The following COL25A1 variants were observed in gnomAD, a reference collection of about 807,000 sequenced individuals.
COL25A1 encodes collagen type XXV alpha 1 chain, also known as collagen alpha-1(XXV) chain.
COL25A1 carries 103 observed loss-of-function variants against 128.4 expected under a neutral mutation model. That is an observed-to-expected ratio of 0.80 (90% CI 0.68 to 0.94). The LOEUF (loss-of-function observed/expected upper bound fraction) is 0.94. Among genes scored for constraint, COL25A1 ranks in the 40% least tolerant of loss-of-function variants. The pLI, the probability that COL25A1 is intolerant of heterozygous loss-of-function variation, is 0.00. For synonymous variants in COL25A1, 279 were observed against 277.2 expected, an observed-to-expected ratio of 1.01 and a Z score of -0.06; for missense variants, 745 against 840.0, an observed-to-expected ratio of 0.89 and a Z score of 1.40.
intron 3 of COL25A1, among the ~76,000 whole-genome samples, chr4:109,207,727 A>G (rs535505167): frequency 6.6e-6 from 1 of 152,352 alleles, no homozygotes; most frequent in South Asian, 2.1e-4. Context: ...ACTACTAACC[A>G]TACCTGTAAT....
chr4:109,074,116 A>T (rs542860192), intron 3 of COL25A1, among the ~76,000 whole-genome samples: 1 of 152,202 alleles, frequency 6.6e-6, no homozygotes, highest in African/African-American at 2.4e-5. Flanking sequence ...TGCAACCTAG[A>T]TCCCTCACAT....
rs1362592242 is a variant in COL25A1, at chr4:109,119,418, G to C, written c.368-69239C>G. On this transcript the variant is annotated intron_variant, in intron 3 of 37. Coordinates refer to ENST00000399132, the MANE Select transcript of COL25A1 (RefSeq NM_198721.4). ...CGGCAAAACTCAAAACTGGTTCTTT[G>C]GAAAAAATCAATAAAATTGATAAGC... is the stretch of plus-strand genomic sequence containing the variant. 2.6e-5 allele frequency among the ~76,000 whole-genome samples: 4 copies of C among 151,848 alleles called. No individual in the cohort carries two copies. In the East Asian group the frequency reaches 7.7e-4, roughly 29 times the overall value.
chr4:108,852,967 T>C (rs945257512), intron 24 of COL25A1, 42 bp from the exon 25 acceptor site: 10 of 1,572,328 alleles, frequency 6.4e-6, no homozygotes, highest in East Asian at 2.2e-5. Context: ...TTATCTATTT[T>C]GTGTGCCAAA....
intron 3 of COL25A1, among the ~76,000 whole-genome samples, chr4:109,224,655 C>A (rs1458314618): frequency 6.6e-6 from 1 of 152,008 alleles, no homozygotes; most frequent in East Asian, 1.9e-4. Context: ...AATACAAATG[C>A]CTGGCTGGGC....
At chr4:108,871,193 C>T (rs917351057) in intron 19 of COL25A1, among the ~76,000 whole-genome samples, 1 of 152,028 alleles carries the variant, frequency 6.6e-6, no homozygotes, top group East Asian at 1.9e-4. Context: ...TTTTTATGTG[C>T]TAGCTGAAAG....
At chr4:108,999,660 T>C (rs2126026448) in intron 6 of COL25A1, among the ~76,000 whole-genome samples, 1 of 152,292 alleles carries the variant, frequency 6.6e-6, no homozygotes, top group South Asian at 2.1e-4. Flanking sequence ...TAAAGACACA[T>C]GCACACGTAT....
chr4:108,827,721 T>C (rs185758602), intron 32 of COL25A1, among the ~76,000 whole-genome samples: 1 of 152,240 alleles, frequency 6.6e-6, no homozygotes, highest in Admixed American at 6.5e-5. Flanking sequence ...GAGATTACTA[T>C]GTTGTCCAGG....
At chr4:108,830,337 A>G (rs1732929257) in intron 32 of COL25A1, among the ~76,000 whole-genome samples, 1 of 152,216 alleles carries the variant, frequency 6.6e-6, no homozygotes, top group African/African-American at 2.4e-5. Flanking sequence ...ATGTTTGAAT[A>G]ACATTGGCTG....
At chr4:109,072,032 G>A (rs1479496821) in intron 3 of COL25A1, among the ~76,000 whole-genome samples, 2 of 152,150 alleles carry the variant, frequency 1.3e-5, no homozygotes, top group East Asian at 1.9e-4. Context: ...GAACATTTTC[G>A]TGCAGATAGG....
chr4:108,998,540 C>A (rs961264521), intron 6 of COL25A1, among the ~76,000 whole-genome samples: 1 of 152,200 alleles, frequency 6.6e-6, no homozygotes, highest in African/African-American at 2.4e-5. Flanking sequence ...GCCAACCTGC[C>A]CAAGGTAATT....
At chr4:108,820,677 A>G (rs904618246) in intron 35 of COL25A1, among the ~76,000 whole-genome samples, 1 of 151,834 alleles carries the variant, frequency 6.6e-6, no homozygotes, top group Admixed American at 6.6e-5. Flanking sequence ...TGTATTTACA[A>G]TGGTAAATGA....
At chr4:109,060,368 T>C (rs3096491) in intron 3 of COL25A1, among the ~76,000 whole-genome samples, 121,458 of 152,072 alleles carry the variant, frequency 0.8, 49,760 homozygotes, top group Non-Finnish European at 0.88. Context: ...CTGTCTCTTC[T>C]TACAATTCTT....
intron 3 of COL25A1, among the ~76,000 whole-genome samples, chr4:109,298,119 ATCT>A (rs1425915975): frequency 6.6e-6 from 1 of 151,786 alleles, no homozygotes; most frequent in Non-Finnish European, 1.5e-5. Context: ...CAGTTTCCTC[ATCT>A]GTAAAATGAG....
intron 13 of COL25A1, among the ~76,000 whole-genome samples, chr4:108,904,845 C>T (rs1481106812): frequency 6.6e-6 from 1 of 151,946 alleles, no homozygotes; most frequent in Non-Finnish European, 1.5e-5. Flanking sequence ...CCAAAATGGC[C>T]ATTTCCATTG....
chr4:108,884,367 T>C, intron 18 of COL25A1, 145 bp from the exon 19 acceptor site: 1 of 700,806 alleles, frequency 1.4e-6, no homozygotes, highest in Non-Finnish European at 2.3e-6. Flanking sequence ...TTGATGAGAT[T>C]ATGCAATTCA....
At position 109,302,048 on chromosome 4, in the gene COL25A1, C is replaced by A. The variant is rs541262755; in HGVS notation, c.-29G>T. 2.6e-6 allele frequency: 4 copies of A among 1,557,412 alleles called. No homozygotes were observed. Among genetic ancestry groups the A allele is most frequent in the South Asian group, 2.4e-5 (2 of 83,696 alleles). On this transcript the variant is annotated 5_prime_UTR_variant, in exon 2 of 38. Transcript: ENST00000399132. Reference sequence around the variant, plus strand: ...GGCGGGGTCGGCCGTCTCGGCTTCGCTTCCCACCCTCTACACCTCAAATAA... The same window carrying A: ...GGCGGGGTCGGCCGTCTCGGCTTCGATTCCCACCCTCTACACCTCAAATAA...
At chr4:108,916,745 T>C (rs192146046) in intron 13 of COL25A1, among the ~76,000 whole-genome samples, 41 of 152,304 alleles carry the variant, frequency 2.7e-4, no homozygotes, top group African/African-American at 9.4e-4. Flanking sequence ...CTAAACAGAA[T>C]ATTCTAAATA....
At chr4:109,289,177 ATAAT>A (rs1724217207) in intron 3 of COL25A1, among the ~76,000 whole-genome samples, 2 of 152,074 alleles carry the variant, frequency 1.3e-5, no homozygotes, top group Admixed American at 1.3e-4. Context: ...TAAGTTGTAG[ATAAT>A]TAATAGAAAA....
intron 13 of COL25A1, among the ~76,000 whole-genome samples, chr4:108,916,616 C>T (rs1362690185): frequency 2.6e-5 from 4 of 152,088 alleles, no homozygotes; most frequent in African/African-American, 4.8e-5. Flanking sequence ...AACATTTATG[C>T]CATATCTGTA....
Sources: gnomAD v4.1 joint callset for allele counts (sites outside exome capture counted in the v4.1 genomes callset) on GRCh38, gnomAD v4.1.1 for gene constraint, MANE v1.5 for transcripts, NCBI Gene and HGNC (gene_info 2026-07-23, HGNC 2026-07-21) for gene names.